EHMT1: variants seen among roughly 807,000 people sequenced by gnomAD.
EHMT1 encodes the protein euchromatic histone lysine methyltransferase 1.
EHMT1 carries 15 observed loss-of-function variants against 147.2 expected under a neutral mutation model. The observed-to-expected ratio is 0.10, with a 90% confidence interval of 0.07 to 0.16. The LOEUF (loss-of-function observed/expected upper bound fraction) is 0.16. Ranked by LOEUF, EHMT1 falls within the 10% of genes least tolerant of loss-of-function variation. The probability of loss-of-function intolerance (pLI) is 1.00; values close to 1 mark genes in which losing one functional copy is unlikely to be tolerated. For missense variants in EHMT1, 1,587 were observed against 1,772.4 expected (o/e 0.90, Z 1.88); for synonymous variants, 795 against 709.6 (o/e 1.12, Z -1.91).
intron 1 of EHMT1, among the ~76,000 whole-genome samples, chr9:137,667,653 T>C (rs1939821214): frequency 6.6e-6 from 1 of 152,172 alleles, no homozygotes; most frequent in Non-Finnish European, 1.5e-5. Flanking sequence ...TGGCTTCTGC[T>C]TGAAGCACTG....
chr9:137,769,423 C>CT (rs1328981297), intron 10 of EHMT1, among the ~76,000 whole-genome samples: 32 of 152,154 alleles, frequency 2.1e-4, no homozygotes, highest in Admixed American at 2.0e-4. Flanking sequence ...CACAAGGCTG[C>CT]TGATAATGAA....
At chr9:137,769,928 C>T (rs1042364657) in intron 10 of EHMT1, among the ~76,000 whole-genome samples, 26 of 152,172 alleles carry the variant, frequency 1.7e-4, no homozygotes, top group African/African-American at 5.8e-4. Flanking sequence ...CCTCAACCTC[C>T]TGGGCTCAAG....
chr9:137,755,340 G>C (rs1321831577), intron 8 of EHMT1, among the ~76,000 whole-genome samples: 2 of 152,146 alleles, frequency 1.3e-5, no homozygotes, highest in African/African-American at 2.4e-5. Flanking sequence ...GAACTGTGTG[G>C]TTGTTTTTCA....
chr9:137,768,375 CAG>C (rs1312837968), intron 10 of EHMT1, among the ~76,000 whole-genome samples: 1 of 113,922 alleles, frequency 8.8e-6, no homozygotes, highest in African/African-American at 3.3e-5. Context: ...TTTTCTGAGA[CAG>C]AGTTTCACTC....
chr9:137,830,850 C>T (rs940777874), intron 25 of EHMT1, among the ~76,000 whole-genome samples: 1 of 152,234 alleles, frequency 6.6e-6, no homozygotes, highest in Non-Finnish European at 1.5e-5. Flanking sequence ...AGCCTTGCTT[C>T]TCTCCATGTT....
chr9:137,762,626 C>G, intron 9 of EHMT1, 49 bp from the exon 10 acceptor site: 1 of 1,613,534 alleles, frequency 6.2e-7, no homozygotes, highest in Non-Finnish European at 8.5e-7. Flanking sequence ...TCTAGATGTT[C>G]TTTTGAGGTC....
chr9:137,784,374 T>G, intron 15 of EHMT1: 1 of 1,269,324 alleles, frequency 7.9e-7, no homozygotes, highest in East Asian at 2.9e-5. Context: ...CCCCGGTAAA[T>G]AAATTGCATT....
At chr9:137,754,635 C>A (rs1354406218) in intron 8 of EHMT1, among the ~76,000 whole-genome samples, 1 of 152,110 alleles carries the variant, frequency 6.6e-6, no homozygotes, top group Non-Finnish European at 1.5e-5. Context: ...ACCTCATCTC[C>A]CCAAGAAGCT....
intron 1 of EHMT1, among the ~76,000 whole-genome samples, chr9:137,678,534 C>A (rs962192806): frequency 1.3e-5 from 2 of 152,150 alleles, no homozygotes; most frequent in Non-Finnish European, 1.5e-5. Context: ...GTGTTCCTGT[C>A]TCGCCGCGTT....
chr9:137,745,405 T>G (rs964352214), intron 6 of EHMT1: 4 of 397,222 alleles, frequency 1.0e-5, no homozygotes, highest in African/African-American at 8.2e-5. Flanking sequence ...TACCATTAGA[T>G]ATTTAAAGAG....
At chr9:137,635,268 G>A (rs977963565) in intron 1 of EHMT1, among the ~76,000 whole-genome samples, 1 of 151,550 alleles carries the variant, frequency 6.6e-6, no homozygotes, top group African/African-American at 2.4e-5. Context: ...GTGCAGTGGC[G>A]TGATCTCGGG....
In EHMT1 at chr9:137,828,875, C is replaced by T. The variant is rs1956004652; in HGVS notation, c.3541-5474C>T. On this transcript the variant is annotated intron_variant, in intron 25 of 26. Transcript: ENST00000460843. The surrounding 1 kb of genome is among the most constrained non-coding windows in gnomAD (Gnocchi z 5.3). Reference sequence around the variant, plus strand: ...GAGCTGCCGCCTCTGTGCCTCCCCTCCTGCTTGCTGCGTGGGGGCTTGTGG... The same window carrying T: ...GAGCTGCCGCCTCTGTGCCTCCCCTTCTGCTTGCTGCGTGGGGGCTTGTGG... Among the ~76,000 whole-genome samples, 1 of 152,174 alleles carries T rather than the reference C, an allele frequency of 6.6e-6. No homozygotes were observed. Among genetic ancestry groups the T allele is most frequent in the African/African-American group, 2.4e-5 (1 of 41,434 alleles).
chr9:137,659,536 T>C (rs995722404), intron 1 of EHMT1, among the ~76,000 whole-genome samples: 4 of 151,842 alleles, frequency 2.6e-5, no homozygotes, highest in Admixed American at 2.0e-4. Context: ...TGTGCCGCCA[T>C]GCCTGGGTCC....
chr9:137,805,169 TTCGTCCACGTGTGAG>T lies in EHMT1; in HGVS notation c.2712+4203_2712+4217del, dbSNP rs745868238. ...GTGAGTCCATCATCTGCATGTGTCA[TTCGTCCACGTGTGAG>T]TCGTCCACGTGTGAGTCATCTGCAT... On this transcript the variant is annotated intron_variant, in intron 18 of 26. Transcript: ENST00000460843. Among the ~76,000 whole-genome samples, 38 of 151,906 alleles carry T rather than the reference TTCGTCCACGTGTGAG, an allele frequency of 2.5e-4. 1 individual carries two copies. Among genetic ancestry groups the T allele is most frequent in the South Asian group, 4.2e-4 (2 of 4,804 alleles).
chr9:137,801,907 A>T (rs1423902610), intron 18 of EHMT1, among the ~76,000 whole-genome samples: 2 of 152,186 alleles, frequency 1.3e-5, no homozygotes, highest in African/African-American at 4.8e-5. Context: ...GATTACAGGC[A>T]TGAGCCACCA....
intron 1 of EHMT1, among the ~76,000 whole-genome samples, chr9:137,651,456 A>T (rs982609033): frequency 1.3e-5 from 2 of 152,140 alleles, no homozygotes; most frequent in Admixed American, 1.3e-4. Flanking sequence ...TCTGTCAGTG[A>T]TGGACAACAT....
At chr9:137,783,439 T>A (rs1039539218) in intron 15 of EHMT1, among the ~76,000 whole-genome samples, 5 of 152,258 alleles carry the variant, frequency 3.3e-5, no homozygotes, top group Non-Finnish European at 5.9e-5. Flanking sequence ...AGTTCCTCTT[T>A]CAGTAGCCTC....
At chr9:137,661,859 A>G (rs550256270) in intron 1 of EHMT1, among the ~76,000 whole-genome samples, 2 of 151,070 alleles carry the variant, frequency 1.3e-5, no homozygotes, top group South Asian at 2.1e-4. Context: ...CCGGAGTGCA[A>G]TGCTGCAATC....
intron 1 of EHMT1, among the ~76,000 whole-genome samples, chr9:137,670,946 C>A (rs1940538355): frequency 6.6e-6 from 1 of 152,190 alleles, no homozygotes; most frequent in Non-Finnish European, 1.5e-5. Context: ...CACCCTCTGG[C>A]CTGTGGGTCT....
Sources: allele counts gnomAD v4.1 joint callset (sites outside exome capture counted in the v4.1 genomes callset), GRCh38; gene constraint gnomAD v4.1.1; non-coding constraint Gnocchi (gnomAD v3.1); transcripts MANE v1.5; gene names NCBI Gene and HGNC (gene_info 2026-07-23, HGNC 2026-07-21).